The following SLC6A13 variants were observed in gnomAD, a reference collection of about 807,000 sequenced individuals.
SLC6A13 encodes sodium- and chloride-dependent GABA transporter 2.
SLC6A13 carries 69 observed loss-of-function variants against 72.9 expected under a neutral mutation model. The ratio of observed to expected loss-of-function variants is 0.95; its 90% CI spans 0.78 to 1.16. The LOEUF (loss-of-function observed/expected upper bound fraction) is 1.16, where lower values mean the gene tolerates loss of function less well. SLC6A13 is among the 50% of genes most tolerant of loss of function. The probability of loss-of-function intolerance (pLI) is 0.00; values close to 1 mark genes in which losing one functional copy is unlikely to be tolerated. For missense variants in SLC6A13, 735 were observed against 760.5 expected (o/e 0.97, Z 0.39); for synonymous variants, 303 against 303.0 (o/e 1.00, Z 0.00).
At chr12:229,695 G>A (rs74783464) in intron 7 of SLC6A13, among the ~76,000 whole-genome samples, 2 of 152,194 alleles carry the variant, frequency 1.3e-5, no homozygotes, top group Non-Finnish European at 2.9e-5. Flanking sequence ...CGGAGTCCTC[G>A]CGCCTTGGAC....
Position 238,475 on chromosome 12 carries a change from T to A in SLC6A13, c.479-465A>T, listed in dbSNP as rs116396452. Reference sequence around the variant, plus strand: ...GGGTAAGTTATAACTCAGCTCTCTGTGTTTTGCTTCGCTCGTCTCTAAAAT... The same window carrying A: ...GGGTAAGTTATAACTCAGCTCTCTGAGTTTTGCTTCGCTCGTCTCTAAAAT... On this transcript the variant is annotated intron_variant, in intron 4 of 14. Transcript: ENST00000343164. 491 of 483,384 alleles carry A rather than the reference T, an allele frequency of 1.0e-3. 4 individuals are homozygous for A. The highest frequency in any genetic ancestry group is 9.1e-3 in the African/African-American group (457 of 50,258). 29.9% of individuals were successfully genotyped at this position (483,384 alleles called of 1,614,324 possible).
chr12:230,451 C>T (rs1461900429), intron 7 of SLC6A13, among the ~76,000 whole-genome samples: 2 of 151,942 alleles, frequency 1.3e-5, no homozygotes, highest in Non-Finnish European at 2.9e-5. Context: ...TAATTACTGG[C>T]TGTGCGATCT....
At chr12:231,601 C>T (rs1941712531) in intron 7 of SLC6A13, among the ~76,000 whole-genome samples, 2 of 152,196 alleles carry the variant, frequency 1.3e-5, no homozygotes, top group African/African-American at 4.8e-5. Flanking sequence ...ATCCCCCTCC[C>T]CACAGCCCCA....
At chr12:246,007 A>G (rs1942335346) in intron 2 of SLC6A13, among the ~76,000 whole-genome samples, 1 of 151,920 alleles carries the variant, frequency 6.6e-6, no homozygotes, top group Non-Finnish European at 1.5e-5. Flanking sequence ...AGTCCCAGCT[A>G]CTTGGGAGGC....
intron 4 of SLC6A13, among the ~76,000 whole-genome samples, chr12:239,756 T>C (rs911516619): frequency 6.6e-5 from 10 of 152,124 alleles, no homozygotes; most frequent in Admixed American, 1.3e-4. Context: ...TCAACAAGTA[T>C]CTGCTGGGTG....
At position 235,070 on chromosome 12, in the gene SLC6A13, T is replaced by C; in HGVS notation, c.831+20A>G. On this transcript the variant is annotated intron_variant, in intron 7 of 14. Transcript: ENST00000343164. ...GTTGCCCTGGGAGTCACGTGAGGGC[T>C]CCTGTCTGTGGCTTCTTACCTGGGG... 3.7e-6 allele frequency: 6 copies of C among 1,614,098 alleles called. No individual in the cohort carries two copies. The South Asian group carries it at 5.5e-5, about 15-fold the overall frequency.
rs1941168569 is a variant in SLC6A13, at chr12:220,726, G to A, written c.*222C>T. 1 of 525,992 alleles carries A rather than the reference G, an allele frequency of 1.9e-6. No individual in the cohort carries two copies. Among genetic ancestry groups the A allele is most frequent in the Non-Finnish European group, 3.4e-6 (1 of 298,486 alleles). The allele number at this position is 525,992 out of a possible 1,614,324, so 32.6% of individuals were successfully genotyped here. A position where few individuals can be genotyped will look rare whatever the true frequency, so the allele number is the denominator to read the frequency against. On this transcript the variant is annotated 3_prime_UTR_variant, in exon 15 of 15. Coordinates refer to ENST00000343164, the MANE Select transcript of SLC6A13 (RefSeq NM_016615.5). Reference sequence around the variant, plus strand: ...CCCACCCAGCTTCCCAAGGGTCTCAGAGGGACACTCTTGGCACTGGCCTTT... The same window carrying A: ...CCCACCCAGCTTCCCAAGGGTCTCAAAGGGACACTCTTGGCACTGGCCTTT...
chr12:257,807 C>T (rs1411070328), intron 2 of SLC6A13, among the ~76,000 whole-genome samples: 2 of 152,210 alleles, frequency 1.3e-5, no homozygotes, highest in South Asian at 2.1e-4. Context: ...CCTGTCAGCC[C>T]AGTGCTTTGC....
chr12:257,616 C>G (rs1349821704), intron 2 of SLC6A13, among the ~76,000 whole-genome samples: 1 of 152,184 alleles, frequency 6.6e-6, no homozygotes, highest in Non-Finnish European at 1.5e-5. Flanking sequence ...CCTCCCCACA[C>G]AGGACCCACG....
chr12:237,055 C>T lies in SLC6A13; in HGVS notation c.696+103G>A. The T allele has an allele frequency of 3.1e-6, 4 of 1,302,032 alleles. No homozygotes were observed. In the South Asian group the frequency reaches 4.0e-5, roughly 13 times the overall value. The allele number at this position is 1,302,032 out of a possible 1,614,324, so 80.7% of individuals were successfully genotyped here. A position where few individuals can be genotyped will look rare whatever the true frequency, so the allele number is the denominator to read the frequency against. ...CATCAAATCCTCGCTGGGTCATCGC[C>T]TCCCATCCTCAACGGGGCCACAGCT... On this transcript the variant is annotated intron_variant, in intron 6 of 14. Coordinates refer to ENST00000343164, the MANE Select transcript of SLC6A13 (RefSeq NM_016615.5).
chr12:227,853 G>A (rs1941532384), intron 7 of SLC6A13, among the ~76,000 whole-genome samples, 185 bp from the exon 8 acceptor site: 1 of 152,194 alleles, frequency 6.6e-6, no homozygotes, highest in Non-Finnish European at 1.5e-5. Context: ...GGACTCCTAG[G>A]TGAAGTTTCT....
At position 221,534 on chromosome 12, in the gene SLC6A13, A is replaced by G. The variant is rs558631905; in HGVS notation, c.1528T>C (p.Phe510Leu). 3 of 1,589,590 alleles carry G rather than the reference A, an allele frequency of 1.9e-6. No individual in the cohort carries two copies. Among genetic ancestry groups the G allele is most frequent in the African/African-American group, 2.7e-5 (2 of 74,056 alleles). ...AGCGGAGTGTACTTTATCAGGGAGA[A>G]GAGAAAGGTGGCCTGAGGGGGAGAG... ...TPAVCTATFL[F>L]SLIKYTPLTY... is the part of the protein sequence containing the mutation. The change falls in exon 14 of 15, where the codon TTC becomes CTC. Residue 510 changes from phenylalanine to leucine, a missense_variant. By Grantham distance (22) the Phe-to-Leu change is conservative. Transcript: ENST00000343164.
chr12:252,169 G>C (rs571938611), intron 2 of SLC6A13, among the ~76,000 whole-genome samples: 18 of 152,288 alleles, frequency 1.2e-4, no homozygotes, highest in African/African-American at 3.9e-4. Context: ...CATACCATAT[G>C]ATTCCATTTA....
chr12:251,738 A>C (rs545973262), intron 2 of SLC6A13, among the ~76,000 whole-genome samples: 98 of 152,162 alleles, frequency 6.4e-4, no homozygotes, highest in Admixed American at 2.6e-3. Flanking sequence ...GGATCGCTTG[A>C]GCCCAGGAGT....
At chr12:255,499 C>A (rs1050021552) in intron 2 of SLC6A13, among the ~76,000 whole-genome samples, 1 of 152,222 alleles carries the variant, frequency 6.6e-6, no homozygotes, top group Non-Finnish European at 1.5e-5. Flanking sequence ...AGTTCGAGAC[C>A]AGCCTGGCCA....
intron 2 of SLC6A13, among the ~76,000 whole-genome samples, chr12:244,772 C>T (rs1201586386): frequency 1.3e-5 from 2 of 152,140 alleles, no homozygotes; most frequent in African/African-American, 4.8e-5. Flanking sequence ...TGGGCTGACA[C>T]AAAGAAGAAG....
chr12:229,678 G>A (rs763472595), intron 7 of SLC6A13, among the ~76,000 whole-genome samples: 30 of 152,180 alleles, frequency 2.0e-4, no homozygotes, highest in Admixed American at 8.5e-4. Flanking sequence ...GGTGTGTCCC[G>A]GGAGCCCGGA....
intron 4 of SLC6A13, among the ~76,000 whole-genome samples, chr12:239,873 G>A (rs1057444426): frequency 5.1e-4 from 78 of 152,272 alleles, no homozygotes; most frequent in Admixed American, 1.9e-3. Flanking sequence ...CGTGTCTCGT[G>A]CTATTCAAAT....
chr12:228,564 G>T (rs1299769805), intron 7 of SLC6A13, among the ~76,000 whole-genome samples: 1 of 152,080 alleles, frequency 6.6e-6, no homozygotes, highest in Admixed American at 6.5e-5. Flanking sequence ...CCCCAAGCAG[G>T]CCCCTGCTTT....
Sources: gnomAD v4.1 joint callset for allele counts (sites outside exome capture counted in the v4.1 genomes callset) on GRCh38, gnomAD v4.1.1 for gene constraint, MANE v1.5 for transcripts, NCBI Gene and HGNC (gene_info 2026-07-23, HGNC 2026-07-21) for gene names.